NEXMIF: variants seen among roughly 807,000 people sequenced by gnomAD.
The protein encoded by NEXMIF is XLMR protein related to neurite extension.
In NEXMIF, 8 loss-of-function variants were observed where a neutral mutation model predicts 62.1. The observed-to-expected ratio is 0.13, with a 90% CI of 0.08 to 0.23. NEXMIF has a LOEUF of 0.23. NEXMIF is among the 10% of genes least tolerant of loss of function. The pLI, the probability that NEXMIF is intolerant of heterozygous loss-of-function variation, is 1.00. For synonymous variants in NEXMIF, 404 were observed against 416.6 expected (o/e 0.97, Z 0.37); for missense variants, 976 against 1,113.3 (o/e 0.88, Z 1.75).
intron 1 of NEXMIF, among the ~76,000 whole-genome samples, chrX:74,886,526 T>A (rs764220163): frequency 3.6e-5 from 4 of 111,421 alleles, no homozygotes; most frequent in Non-Finnish European, 7.5e-5. Flanking sequence ...GAGAGCCAAA[T>A]CATGAGTGAA....
At chrX:74,788,273 G>A (rs1209024048) in intron 1 of NEXMIF, among the ~76,000 whole-genome samples, 1 of 111,813 alleles carries the variant, frequency 8.9e-6, no homozygotes, top group East Asian at 2.8e-4. Context: ...AAGGTAAACA[G>A]ATTGTATTTT....
At chrX:74,761,518 T>A (rs889279283) in intron 1 of NEXMIF, among the ~76,000 whole-genome samples, 2 of 111,791 alleles carry the variant, frequency 1.8e-5, no homozygotes, top group Non-Finnish European at 3.8e-5. Context: ...TAGAGGTGTT[T>A]GTAGTAGTCT....
intron 1 of NEXMIF, among the ~76,000 whole-genome samples, chrX:74,845,619 T>C (rs2080489399): frequency 9.0e-6 from 1 of 111,362 alleles, no homozygotes; most frequent in Admixed American, 9.5e-5. Flanking sequence ...GCTCTACTGC[T>C]CTCAGTATAC....
At chrX:74,907,477 G>C (rs2080773219) in intron 1 of NEXMIF, among the ~76,000 whole-genome samples, 1 of 110,045 alleles carries the variant, frequency 9.1e-6, no homozygotes, top group African/African-American at 3.3e-5. Context: ...TAAAGTGTCT[G>C]AGACTTAATT....
Position 74,798,798 on chromosome X carries a change from T to C in NEXMIF, c.-47-53101A>G, listed in dbSNP as rs757651860. Among the ~76,000 whole-genome samples, 325 of 109,652 alleles carry C rather than the reference T, an allele frequency of 3.0e-3. 2 individuals carry two copies. Among genetic ancestry groups the C allele is most frequent in the African/African-American group, 0.01 (308 of 30,118 alleles). ...CTGCCAGTGTCCAGTAATGCAACAG[T>C]CACAGGGTAAAGAGAATAATACAGA... is the stretch of plus-strand genomic sequence containing the variant. On this transcript the variant is annotated intron_variant, in intron 1 of 3. Coordinates refer to ENST00000055682, the MANE Select transcript of NEXMIF (RefSeq NM_001008537.3).
intron 1 of NEXMIF, among the ~76,000 whole-genome samples, chrX:74,791,767 AG>A (rs2147464836): frequency 9.2e-6 from 1 of 109,125 alleles, no homozygotes. Context: ...ATTTGCATAG[AG>A]GTGTTTTTAG....
At chrX:74,861,165 C>G (rs1445553140) in intron 1 of NEXMIF, among the ~76,000 whole-genome samples, 1 of 111,503 alleles carries the variant, frequency 9.0e-6, no homozygotes, top group Non-Finnish European at 1.9e-5. Context: ...CTTGATAGAG[C>G]TGAAAACACA....
intron 1 of NEXMIF, among the ~76,000 whole-genome samples, chrX:74,851,750 G>A (rs185035367): frequency 1.1e-4 from 12 of 111,845 alleles, no homozygotes; most frequent in African/African-American, 3.6e-4. Context: ...ACACCTGGAA[G>A]CAAAAGGACA....
chrX:74,791,402 C>A (rs1044025247), intron 1 of NEXMIF, among the ~76,000 whole-genome samples: 1 of 111,275 alleles, frequency 9.0e-6, no homozygotes, highest in Non-Finnish European at 1.9e-5. Flanking sequence ...AGGATTTTTG[C>A]ATCAATGTTC....
intron 1 of NEXMIF, among the ~76,000 whole-genome samples, chrX:74,905,528 C>T (rs939373551): frequency 1.8e-5 from 2 of 112,188 alleles, no homozygotes; most frequent in Non-Finnish European, 3.8e-5. Context: ...TAAAGACAAA[C>T]GTCGGGCACA....
chrX:74,894,700 T>C (rs1299602021), intron 1 of NEXMIF, among the ~76,000 whole-genome samples: 1 of 112,535 alleles, frequency 8.9e-6, no homozygotes, highest in Non-Finnish European at 1.9e-5. Flanking sequence ...AATCAATCAA[T>C]GTGATACATC....
chrX:74,769,815 T>C (rs1348204914), intron 1 of NEXMIF: 2 of 431,742 alleles, frequency 4.6e-6, no homozygotes, highest in African/African-American at 2.5e-5. Context: ...TATTATACTA[T>C]AAAAAAATCA....
At chrX:74,768,834 A>G (rs917599879) in intron 1 of NEXMIF, among the ~76,000 whole-genome samples, 2 of 112,233 alleles carry the variant, frequency 1.8e-5, no homozygotes, top group African/African-American at 3.2e-5. Context: ...AAAACACAGC[A>G]AAGCTAATAA....
rs61741844 is a variant in NEXMIF at position 74,743,425 on chromosome X, T to C, written c.1132A>G (p.Lys378Glu). 4.2e-5 allele frequency: 51 copies of C among 1,209,594 alleles called. No individual in the cohort carries two copies. The African/African-American group carries it at 7.7e-4, about 18-fold the overall frequency. Reference sequence around the variant, plus strand: ...TTGCCTTTCTTCTTGTCCAAGTTTTTATCTTCCTCCCCCCAGATGATGCTC... The same window carrying C: ...TTGCCTTTCTTCTTGTCCAAGTTTTCATCTTCCTCCCCCCAGATGATGCTC... Reference protein sequence around the residue: ...DVSIIWGEEDKNLDKKKGKEE... With the variant: ...DVSIIWGEEDENLDKKKGKEE... The change falls in exon 3 of 4, where the codon AAA (lysine) becomes GAA (glutamate). Residue 378 changes from lysine (K) to glutamate (E), a missense_variant. By Grantham distance (56) the Lys-to-Glu change is moderately conservative. Around this residue, in one of 5 missense-constraint regions of NEXMIF, gnomAD observed 639 missense variants for 694.5 expected, o/e 0.92. Coordinates refer to ENST00000055682, the MANE Select transcript of NEXMIF (RefSeq NM_001008537.3).
intron 2 of NEXMIF, 150 bp from the exon 3 acceptor site, chrX:74,744,627 C>T (rs1436421468): frequency 8.0e-6 from 3 of 376,577 alleles, no homozygotes; most frequent in East Asian, 7.8e-5. Flanking sequence ...AAAACTACAA[C>T]GTTAAAGAAC....
chrX:74,825,889 T>C (rs1359039873), intron 1 of NEXMIF, among the ~76,000 whole-genome samples: 2 of 112,756 alleles, frequency 1.8e-5, no homozygotes, highest in Non-Finnish European at 3.7e-5. Context: ...ATAGTGTATA[T>C]GTACCACATT....
chrX:74,878,206 C>T (rs1602262013), intron 1 of NEXMIF, among the ~76,000 whole-genome samples: 1 of 111,386 alleles, frequency 9.0e-6, no homozygotes, highest in African/African-American at 3.3e-5. Context: ...TTCCTTCTAA[C>T]AGACGGGACC....
In NEXMIF at chrX:74,907,048, T is replaced by C. The variant is rs191647308; in HGVS notation, c.-48+17835A>G. 3.1e-3 allele frequency among the ~76,000 whole-genome samples: 352 copies of C among 111,902 alleles called. 2 individuals are homozygous for C. Among genetic ancestry groups the C allele is most frequent in the African/African-American group, 0.011 (337 of 30,780 alleles). On this transcript the variant is annotated intron_variant, in intron 1 of 3. Transcript: ENST00000055682. ...TGTTTTTGAATGTCTCTTCTCACTT[T>C]GACCCCCTGCCACACCCAGGAGGCA...
intron 1 of NEXMIF, among the ~76,000 whole-genome samples, chrX:74,912,946 T>C (rs181465814): frequency 4.9e-4 from 55 of 111,804 alleles, no homozygotes; most frequent in African/African-American, 1.7e-3. Flanking sequence ...TCCCCAGGAA[T>C]TGGAGGTCCT....
Sources: gnomAD v4.1 joint callset for allele counts (sites outside exome capture counted in the v4.1 genomes callset) on GRCh38, gnomAD v4.1.1 for gene constraint, gnomAD v4.1.1 regional missense constraint, MANE v1.5 for transcripts, NCBI Gene and HGNC (gene_info 2026-07-23, HGNC 2026-07-21) for gene names.